TBC1D5: variants seen among roughly 807,000 people sequenced by gnomAD.
TBC1D5 encodes TBC1 domain family member 5, also known as TBC1 domain family, member 5.
TBC1D5 carries 75 observed loss-of-function variants against 100.3 expected under a neutral mutation model. That is an observed-to-expected ratio of 0.75 (90% CI 0.62 to 0.91). The LOEUF is 0.91. TBC1D5 is among the 40% of genes least tolerant of loss of function. The pLI, the probability that TBC1D5 is intolerant of heterozygous loss-of-function variation, is 0.00. For missense variants in TBC1D5, 910 were observed against 942.4 expected, an observed-to-expected ratio of 0.97 and a Z score of 0.45; for synonymous variants, 323 against 325.6, an observed-to-expected ratio of 0.99 and a Z score of 0.09.
At chr3:17,531,712 C>T (rs2096228616) in intron 2 of TBC1D5, among the ~76,000 whole-genome samples, 1 of 152,086 alleles carries the variant, frequency 6.6e-6, no homozygotes, top group African/African-American at 2.4e-5. Flanking sequence ...TTTGACAAAC[C>T]TGAGAAAAAC....
At chr3:17,275,552 A>G (rs992818627) in intron 15 of TBC1D5, among the ~76,000 whole-genome samples, 1 of 152,128 alleles carries the variant, frequency 6.6e-6, no homozygotes, top group African/African-American at 2.4e-5. Context: ...TAAACAAACC[A>G]ACCAACCAAC....
At chr3:17,302,129 T>G (rs1392771073) in intron 14 of TBC1D5, among the ~76,000 whole-genome samples, 1 of 152,182 alleles carries the variant, frequency 6.6e-6, no homozygotes, top group Non-Finnish European at 1.5e-5. Flanking sequence ...CTCTCCTGCT[T>G]CTGGTGTTAG....
At chr3:17,298,341 A>T (rs1405750296) in intron 14 of TBC1D5, among the ~76,000 whole-genome samples, 1 of 152,252 alleles carries the variant, frequency 6.6e-6, no homozygotes, top group Non-Finnish European at 1.5e-5. Flanking sequence ...TTCTAAAGAC[A>T]TGAAAAGAAT....
chr3:17,257,907 G>A (rs935972683), intron 16 of TBC1D5, among the ~76,000 whole-genome samples: 3 of 152,104 alleles, frequency 2.0e-5, no homozygotes, highest in African/African-American at 7.2e-5. Flanking sequence ...AATTTGAAAT[G>A]ATTCTGGTTT....
At chr3:17,225,455 A>AT (rs2074777403) in intron 17 of TBC1D5, among the ~76,000 whole-genome samples, 1 of 151,060 alleles carries the variant, frequency 6.6e-6, no homozygotes, top group Admixed American at 6.6e-5. Context: ...AAAAAAAAAA[A>AT]ACAAAAAACA....
At chr3:17,617,830 G>T (rs142395553) in intron 2 of TBC1D5, among the ~76,000 whole-genome samples, 1 of 152,076 alleles carries the variant, frequency 6.6e-6, no homozygotes, top group Non-Finnish European at 1.5e-5. Flanking sequence ...GCTTCCTTGC[G>T]ATGTGTTAGA....
rs139600785 is a variant in TBC1D5 at position 17,238,987 on chromosome 3, C to T, written c.1332-568G>A. Among the ~76,000 whole-genome samples, 463 of 152,288 alleles carry T rather than the reference C, an allele frequency of 3.0e-3. 3 individuals carry two copies. Among genetic ancestry groups the T allele is most frequent in the African/African-American group, 0.01 (422 of 41,546 alleles). ...AAAGTTATGTCCTTATTCTCTACCC[C>T]AGTGCTCCATATCCTCCTTCTCCAC... On this transcript the variant is annotated intron_variant, in intron 16 of 21. Coordinates refer to ENST00000253692, the Ensembl canonical transcript of TBC1D5.
In TBC1D5 at chr3:17,279,671, T is replaced by C. The variant is rs548445213; in HGVS notation, c.1245+12224A>G. The stretch of plus-strand genomic sequence containing the variant: ...GTTTTTTTAGGTGTTTGGCTTTCAA[T>C]CTGTGTAGTAACTTTGTTCTCAGTC... On this transcript the variant is annotated intron_variant, in intron 15 of 21. Coordinates refer to ENST00000253692, the Ensembl canonical transcript of TBC1D5. Among the ~76,000 whole-genome samples, 48 of 152,344 alleles carry C rather than the reference T, an allele frequency of 3.2e-4. 1 individual carries two copies. Among genetic ancestry groups the C allele is most frequent in the South Asian group, 1.2e-3 (6 of 4,822 alleles).
At chr3:17,364,552 G>A (rs982885971) in intron 13 of TBC1D5, among the ~76,000 whole-genome samples, 2 of 151,970 alleles carry the variant, frequency 1.3e-5, no homozygotes, top group African/African-American at 4.8e-5. Flanking sequence ...TGATATTACA[G>A]TTGCTGTCCC....
rs139367593 is a variant in TBC1D5, at chr3:17,229,155, C to T, written c.1588+9008G>A. Among the ~76,000 whole-genome samples, 268 of 152,052 alleles carry T rather than the reference C, an allele frequency of 1.8e-3. 1 individual carries two copies. The highest frequency in any genetic ancestry group is 5.9e-3 in the African/African-American group (244 of 41,484). The stretch of plus-strand genomic sequence containing the variant: ...GGGGGGACTTGCTGGGAACGTATAA[C>T]CTAGATAAGCAGAAAGGGAAAAACC... On this transcript the variant is annotated intron_variant, in intron 17 of 21. Transcript: ENST00000253692.
At chr3:17,692,479 T>C (rs1434748499) in intron 1 of TBC1D5, among the ~76,000 whole-genome samples, 1 of 152,052 alleles carries the variant, frequency 6.6e-6, no homozygotes, top group Non-Finnish European at 1.5e-5. Flanking sequence ...TAAAATGCAA[T>C]TCAAAGACAC....
chr3:17,287,365 C>T (rs1376351293), intron 15 of TBC1D5, among the ~76,000 whole-genome samples: 2 of 152,210 alleles, frequency 1.3e-5, no homozygotes, highest in Admixed American at 6.5e-5. Context: ...ACAAAACACA[C>T]ATGCATATAT....
chr3:17,706,279 G>A (rs2074152373), intron 1 of TBC1D5: 1 of 1,545,096 alleles, frequency 6.5e-7, no homozygotes, highest in African/African-American at 1.4e-5. Context: ...GCTCTAAAGA[G>A]TTGAACTAGA....
At chr3:17,563,321 T>C (rs2096571705) in intron 2 of TBC1D5, among the ~76,000 whole-genome samples, 1 of 152,186 alleles carries the variant, frequency 6.6e-6, no homozygotes, top group African/African-American at 2.4e-5. Flanking sequence ...GCTGGATCTG[T>C]TAACTTGGGA....
rs2095868573 is a variant in TBC1D5 at position 17,508,592 on chromosome 3, C to T, written c.-22G>A. 2 of 1,540,738 alleles carry T rather than the reference C, an allele frequency of 1.3e-6. No individual in the cohort carries two copies. Among genetic ancestry groups the T allele is most frequent in the African/African-American group, 1.4e-5 (1 of 73,402 alleles). ...ACATTGTGGGAACTGGACAGCGTCA[C>T]CAAAAGTAACTACCTGGGAGGTGAA... is the stretch of plus-strand genomic sequence containing the variant. On this transcript the variant is annotated 5_prime_UTR_variant, in exon 3 of 22. It adds an upstream start codon to the 5' untranslated region. Coordinates refer to ENST00000253692, the Ensembl canonical transcript of TBC1D5.
At chr3:17,524,420 T>C in intron 2 of TBC1D5, among the ~76,000 whole-genome samples, 1 of 152,194 alleles carries the variant, frequency 6.6e-6, no homozygotes, top group East Asian at 1.9e-4. Context: ...TAAAAATGTA[T>C]CCTACTTATA....
chr3:17,382,341 C>G (rs2092980349), intron 9 of TBC1D5, among the ~76,000 whole-genome samples: 1 of 151,926 alleles, frequency 6.6e-6, no homozygotes, highest in African/African-American at 2.4e-5. Flanking sequence ...CTTTTAATCC[C>G]TAAATTATAT....
intron 1 of TBC1D5, among the ~76,000 whole-genome samples, chr3:17,681,785 C>G (rs1020451908): frequency 9.2e-5 from 14 of 151,634 alleles, no homozygotes; most frequent in Non-Finnish European, 1.8e-4. Context: ...CTGTTAGAAG[C>G]CAGGCCACAC....
chr3:17,250,557 G>A (rs1362603644), intron 16 of TBC1D5, among the ~76,000 whole-genome samples: 3 of 152,140 alleles, frequency 2.0e-5, no homozygotes, highest in Non-Finnish European at 2.9e-5. Context: ...CAGCCATACC[G>A]GCCTGCTTAC....
Sources: gnomAD v4.1 joint callset for allele counts (sites outside exome capture counted in the v4.1 genomes callset) on GRCh38, gnomAD v4.1.1 for gene constraint, MANE v1.5 for transcripts, NCBI Gene and HGNC (gene_info 2026-07-23, HGNC 2026-07-21) for gene names.